Variants in SREK1IP1 observed in about 807,000 individuals in gnomAD.
SREK1IP1 encodes SREK1 interacting protein 1, also known as protein SREK1IP1.
In SREK1IP1, 12 loss-of-function variants were observed where a neutral mutation model predicts 22.8. The observed-to-expected ratio is 0.53, with a 90% CI of 0.34 to 0.85. SREK1IP1 has a LOEUF of 0.85. Among genes scored for constraint, SREK1IP1 ranks in the 40% least tolerant of loss-of-function variants. The pLI, the probability that SREK1IP1 is intolerant of heterozygous loss-of-function variation, is 0.02. For synonymous variants in SREK1IP1, 53 were observed against 52.7 expected, an observed-to-expected ratio of 1.01 and a Z score of -0.02; for missense variants, 147 against 171.8, an observed-to-expected ratio of 0.86 and a Z score of 0.81.
chr5:64,726,878 A>G (rs1375900649), intron 4 of SREK1IP1, among the ~76,000 whole-genome samples: 1 of 152,204 alleles, frequency 6.6e-6, no homozygotes, highest in African/African-American at 2.4e-5. Flanking sequence ...TTTCTACTGC[A>G]CCATCATAAA....
intron 4 of SREK1IP1, 69 bp from the exon 5 acceptor site, chr5:64,724,642 G>A (rs1348485707): frequency 8.1e-7 from 1 of 1,242,236 alleles, no homozygotes; most frequent in Non-Finnish European, 1.1e-6. Context: ...AGTGGGATTT[G>A]AACTGCCTTA....
intron 4 of SREK1IP1, chr5:64,727,609 T>A (rs1742298695): frequency 1.3e-5 from 2 of 148,220 alleles, no homozygotes; most frequent in South Asian, 4.2e-4. Flanking sequence ...TTGCCCAGGC[T>A]GGAGTACAGT....
At chr5:64,754,521 C>T (rs1395860334) in intron 1 of SREK1IP1, 159 bp from the exon 2 acceptor site, 5 of 626,136 alleles carry the variant, frequency 8.0e-6, no homozygotes, top group Admixed American at 2.7e-5. Flanking sequence ...CTAGAGTACA[C>T]TGACATGATC....
intron 4 of SREK1IP1, chr5:64,727,553 A>ATATTTTTTTT: frequency 1.9e-4 from 16 of 84,676 alleles, no homozygotes; most frequent in African/African-American, 8.8e-4. Flanking sequence ...ATATATATAT[A>ATATTTTTTTT]TTTTTTTTTT....
At chr5:64,736,906 G>T in intron 3 of SREK1IP1, among the ~76,000 whole-genome samples, 1 of 146,222 alleles carries the variant, frequency 6.8e-6, no homozygotes, top group Non-Finnish European at 1.5e-5. Context: ...TTTAGTAGTT[G>T]TCTCTCTTCT....
chr5:64,763,366 C>T (rs955039939), intron 1 of SREK1IP1, among the ~76,000 whole-genome samples: 13 of 151,882 alleles, frequency 8.6e-5, no homozygotes, highest in South Asian at 2.1e-4. Context: ...GTGAAACCTG[C>T]CTCTACTAAA....
chr5:64,731,230 C>G (rs1422513693), intron 3 of SREK1IP1, among the ~76,000 whole-genome samples: 2 of 151,904 alleles, frequency 1.3e-5, no homozygotes, highest in Non-Finnish European at 2.9e-5. Context: ...AAGAATGTCT[C>G]TAAGAACAAT....
At chr5:64,749,488 G>A (rs1263613505) in intron 2 of SREK1IP1, among the ~76,000 whole-genome samples, 1 of 151,654 alleles carries the variant, frequency 6.6e-6, no homozygotes, top group East Asian at 1.9e-4. Flanking sequence ...CCAGGCAGGA[G>A]TGCAGTGGCA....
chr5:64,762,548 A>G (rs1742967440), intron 1 of SREK1IP1, among the ~76,000 whole-genome samples: 1 of 152,124 alleles, frequency 6.6e-6, no homozygotes, highest in African/African-American at 2.4e-5. Context: ...TTATTTTTCT[A>G]CCATTTATAT....
intron 3 of SREK1IP1, among the ~76,000 whole-genome samples, chr5:64,738,424 T>C (rs1333290227): frequency 1.3e-5 from 2 of 152,174 alleles, no homozygotes; most frequent in African/African-American, 4.8e-5. Context: ...AAGCAATCTA[T>C]GAATTCAATG....
chr5:64,763,773 C>T (rs1742991301), intron 1 of SREK1IP1, among the ~76,000 whole-genome samples: 1 of 152,178 alleles, frequency 6.6e-6, no homozygotes, highest in Non-Finnish European at 1.5e-5. Flanking sequence ...AATCAAGCCC[C>T]TACAGGGATA....
intron 1 of SREK1IP1, among the ~76,000 whole-genome samples, chr5:64,756,765 T>C (rs1351209027): frequency 6.6e-6 from 1 of 152,100 alleles, no homozygotes; most frequent in Non-Finnish European, 1.5e-5. Flanking sequence ...TAGCTGGGAC[T>C]ACAGGCACCC....
intron 1 of SREK1IP1, among the ~76,000 whole-genome samples, chr5:64,758,610 T>C (rs902390468): frequency 2.6e-5 from 4 of 152,168 alleles, no homozygotes; most frequent in African/African-American, 9.7e-5. Context: ...AAACTGTAGA[T>C]GCTAAAAAAA....
chr5:64,736,180 C>T (rs975589260), intron 3 of SREK1IP1, among the ~76,000 whole-genome samples: 1 of 151,790 alleles, frequency 6.6e-6, no homozygotes, highest in African/African-American at 2.4e-5. Flanking sequence ...TGCTATGGCC[C>T]AGAATCAGGT....
Position 64,724,555 on chromosome 5 carries a change from G to A in SREK1IP1, c.297C>T (p.Ser99=), listed in dbSNP as rs1742231772. The change falls in exon 5 of 5, where the codon TCC becomes TCT. Residue 99 remains serine (S), a synonymous_variant. Coordinates refer to ENST00000513458, the MANE Select transcript of SREK1IP1 (RefSeq NM_173829.4). The part of the protein sequence containing the change: ...KKRKRSYSSS[S]TEEDTSKQKK... ...TTTGTTTTGAAGTGTCCTCTTCAGT[G>A]GAACTGGATGAGTAAGACCTATGGA... is the stretch of plus-strand genomic sequence containing the variant. 1 of 1,569,468 alleles carries A rather than the reference G, an allele frequency of 6.4e-7. No homozygotes were observed. Among genetic ancestry groups the A allele is most frequent in the Non-Finnish European group, 8.6e-7 (1 of 1,167,176 alleles).
rs904773479 is a variant in SREK1IP1, at chr5:64,724,153, A to C, written c.*231T>G. The C allele has an allele frequency of 2.6e-6, 1 of 377,398 alleles. No individual in the cohort carries two copies. The highest frequency in any genetic ancestry group is 4.8e-6 in the Non-Finnish European group (1 of 207,072). 23.4% of individuals were successfully genotyped at this position (377,398 alleles called of 1,614,324 possible). A position where few individuals can be genotyped will look rare whatever the true frequency, so the allele number is the denominator to read the frequency against. ...AAAAATGATGTGTTTAGTATACACA[A>C]ATAGCTATACTTGGGGCATGGCTAT... is the stretch of plus-strand genomic sequence containing the variant. On this transcript the variant is annotated 3_prime_UTR_variant, in exon 5 of 5. Coordinates refer to ENST00000513458, the MANE Select transcript of SREK1IP1 (RefSeq NM_173829.4).
intron 3 of SREK1IP1, among the ~76,000 whole-genome samples, chr5:64,732,014 T>C (rs1285749918): frequency 2.6e-5 from 4 of 152,158 alleles, no homozygotes; most frequent in African/African-American, 7.2e-5. Flanking sequence ...TCACATCCAA[T>C]GACAATGTAC....
intron 2 of SREK1IP1, among the ~76,000 whole-genome samples, chr5:64,745,739 AT>A (rs1355983228): frequency 6.6e-6 from 1 of 152,122 alleles, no homozygotes; most frequent in African/African-American, 2.4e-5. Context: ...CCCCACATCC[AT>A]TTTAGCTTTG....
At chr5:64,758,619 A>C (rs1742891549) in intron 1 of SREK1IP1, among the ~76,000 whole-genome samples, 1 of 152,262 alleles carries the variant, frequency 6.6e-6, no homozygotes, top group African/African-American at 2.4e-5. Context: ...ATGCTAAAAA[A>C]ATACTGAATA....
Sources: gnomAD v4.1 joint callset for allele counts (sites outside exome capture counted in the v4.1 genomes callset) on GRCh38, gnomAD v4.1.1 for gene constraint, MANE v1.5 for transcripts, NCBI Gene and HGNC (gene_info 2026-07-23, HGNC 2026-07-21) for gene names.